The following TM9SF2 variants were observed in gnomAD, a reference collection of about 807,000 sequenced individuals.
The protein encoded by TM9SF2 is 76 kDa membrane protein.
TM9SF2 carries 13 observed loss-of-function variants against 84.9 expected under a neutral mutation model. That is an observed-to-expected ratio of 0.15 (90% confidence interval 0.10 to 0.24). TM9SF2 has a LOEUF of 0.24. Ranked by LOEUF, TM9SF2 falls within the 10% of genes least tolerant of loss-of-function variation. TM9SF2 has a pLI of 1.00. For missense variants in TM9SF2, 562 were observed against 818.5 expected (o/e 0.69, Z 3.82); for synonymous variants, 273 against 285.8 (o/e 0.96, Z 0.45).
At chr13:99,521,425 C>T (rs1050557053) in intron 3 of TM9SF2, among the ~76,000 whole-genome samples, 4 of 152,198 alleles carry the variant, frequency 2.6e-5, no homozygotes, top group African/African-American at 9.7e-5. Flanking sequence ...CTCCTGGCTT[C>T]GCGTCTCTGC....
At chr13:99,534,439 A>G (rs1776922121) in intron 4 of TM9SF2, among the ~76,000 whole-genome samples, 1 of 152,202 alleles carries the variant, frequency 6.6e-6, no homozygotes, top group Admixed American at 6.5e-5. Context: ...CTCCCTTTGT[A>G]TGGGAGCTCT....
At chr13:99,543,470 A>G (rs1300521903) in intron 9 of TM9SF2, among the ~76,000 whole-genome samples, 1 of 152,238 alleles carries the variant, frequency 6.6e-6, no homozygotes, top group Non-Finnish European at 1.5e-5. Context: ...TAGCTAGAAT[A>G]TGAGAGCTAA....
At chr13:99,507,026 CT>C (rs1160008027) in intron 1 of TM9SF2, among the ~76,000 whole-genome samples, 1 of 152,134 alleles carries the variant, frequency 6.6e-6, no homozygotes, top group Non-Finnish European at 1.5e-5. Flanking sequence ...CTTTTCAAAC[CT>C]GTTTATTGCC....
chr13:99,511,838 A>G (rs969995720), intron 1 of TM9SF2, among the ~76,000 whole-genome samples: 1 of 151,412 alleles, frequency 6.6e-6, no homozygotes, highest in Admixed American at 6.6e-5. Flanking sequence ...GAATAAAAGC[A>G]TCAGAAATAA....
At chr13:99,560,336 G>A (rs1317132356) in intron 16 of TM9SF2, among the ~76,000 whole-genome samples, 1 of 152,092 alleles carries the variant, frequency 6.6e-6, no homozygotes, top group Non-Finnish European at 1.5e-5. Flanking sequence ...GCCTGGAGTC[G>A]GGTTTTGAAG....
chr13:99,508,399 A>G (rs1333461511), intron 1 of TM9SF2, among the ~76,000 whole-genome samples: 1 of 119,316 alleles, frequency 8.4e-6, no homozygotes, highest in Non-Finnish European at 1.8e-5. Context: ...AAAAAAGGCA[A>G]ACAAAACACA....
intron 1 of TM9SF2, among the ~76,000 whole-genome samples, chr13:99,510,343 A>G (rs779557170): frequency 9.9e-5 from 15 of 152,196 alleles, no homozygotes; most frequent in Non-Finnish European, 1.5e-4. Flanking sequence ...ATTTTCAGGT[A>G]TCTTTATAAC....
At chr13:99,550,821 TATCTC>T (rs954131384) in intron 12 of TM9SF2, among the ~76,000 whole-genome samples, 1 of 152,218 alleles carries the variant, frequency 6.6e-6, no homozygotes, top group Non-Finnish European at 1.5e-5. Context: ...AAAAGAATCT[TATCTC>T]TAATTCAGAA....
intron 10 of TM9SF2, among the ~76,000 whole-genome samples, chr13:99,546,275 C>T (rs1465765258): frequency 6.6e-6 from 1 of 152,182 alleles, no homozygotes; most frequent in African/African-American, 2.4e-5. Context: ...CAGCAGTATC[C>T]TACTCACCTT....
intron 16 of TM9SF2, 34 bp downstream of exon 16, chr13:99,559,568 T>G: frequency 6.5e-7 from 1 of 1,538,284 alleles, no homozygotes; most frequent in East Asian, 2.4e-5. Context: ...ATTTTTATTT[T>G]GTAAGTTTTT....
At chr13:99,561,246 T>G (rs188395064) in intron 16 of TM9SF2, among the ~76,000 whole-genome samples, 29 of 152,358 alleles carry the variant, frequency 1.9e-4, no homozygotes, top group African/African-American at 6.7e-4. Flanking sequence ...CATTTTATTG[T>G]ATTTAAGTCA....
chr13:99,555,571 T>A lies in TM9SF2; in HGVS notation c.1676T>A (p.Phe559Tyr). ...ATGTATTACATGTTTGGCTTCCTAT[T>A]TCTGGTGTTTATCATTTTGGTTATT... ...HQMYYMFGFL[F>Y]LVFIILVITC... The change falls in exon 15 of 17, where the codon TTT becomes TAT. Residue 559 changes from phenylalanine to tyrosine, a missense_variant. Physicochemically the swap from Phe to Tyr is conservative, Grantham distance 22. Coordinates refer to ENST00000376387, the MANE Select transcript of TM9SF2 (RefSeq NM_004800.3). 6.2e-7 allele frequency: 1 copy of A among 1,614,044 alleles called. No homozygotes were observed. The highest frequency in any genetic ancestry group is 8.5e-7 in the Non-Finnish European group (1 of 1,179,926).
chr13:99,555,656 TAGC>T lies in TM9SF2; in HGVS notation c.1752+12_1752+14del, dbSNP rs1566574115. ...TCCACCTATGTGCAGAGGTATGTAT[TAGC>T]AGTATTCACTTATGTTAATTTGTAG... On this transcript the variant is annotated intron_variant, in intron 15 of 16. Coordinates refer to ENST00000376387, the MANE Select transcript of TM9SF2 (RefSeq NM_004800.3). 1 of 1,579,822 alleles carries T rather than the reference TAGC, an allele frequency of 6.3e-7. No homozygotes were observed. Among genetic ancestry groups the T allele is most frequent in the Admixed American group, 1.7e-5 (1 of 59,216 alleles).
At chr13:99,544,793 C>T (rs1360321085) in intron 10 of TM9SF2, among the ~76,000 whole-genome samples, 1 of 152,112 alleles carries the variant, frequency 6.6e-6, no homozygotes, top group East Asian at 1.9e-4. Context: ...AAAGACCTTC[C>T]TTCCTCCATA....
intron 8 of TM9SF2, 27 bp from the exon 9 acceptor site, chr13:99,541,532 T>G (rs781199527): frequency 1.3e-6 from 2 of 1,511,360 alleles, no homozygotes; most frequent in South Asian, 2.3e-5. Flanking sequence ...AAGCTACAGA[T>G]TACTCATGAT....
chr13:99,540,621 C>G, intron 7 of TM9SF2, 93 bp from the exon 8 acceptor site: 1 of 944,062 alleles, frequency 1.1e-6, no homozygotes, highest in Non-Finnish European at 1.6e-6. Flanking sequence ...GTTGTTGACT[C>G]AATGGAAGGA....
At chr13:99,544,633 T>C (rs528292679) in intron 10 of TM9SF2, among the ~76,000 whole-genome samples, 1 of 152,232 alleles carries the variant, frequency 6.6e-6, no homozygotes, top group South Asian at 2.1e-4. Flanking sequence ...AGGCACAGTC[T>C]GGTTAGGGTT....
intron 4 of TM9SF2, among the ~76,000 whole-genome samples, chr13:99,534,799 T>G (rs1431898731): frequency 6.6e-6 from 1 of 152,218 alleles, no homozygotes; most frequent in Non-Finnish European, 1.5e-5. Context: ...TTAATTTTTT[T>G]GATATTAGAA....
At chr13:99,559,267 G>A in intron 15 of TM9SF2, 96 bp from the exon 16 acceptor site, 2 of 1,013,402 alleles carry the variant, frequency 2.0e-6, no homozygotes, top group Non-Finnish European at 2.8e-6. Context: ...TAGATTGGGG[G>A]CTGTCTCATT....
Sources: allele counts gnomAD v4.1 joint callset (sites outside exome capture counted in the v4.1 genomes callset), GRCh38; gene constraint gnomAD v4.1.1; transcripts MANE v1.5; gene names NCBI Gene and HGNC (gene_info 2026-07-23, HGNC 2026-07-21).